Variants in KCNQ1 observed in about 807,000 individuals in gnomAD.
The protein encoded by KCNQ1 is potassium voltage-gated channel subfamily Q member 1.
A neutral mutation model predicts 72.4 loss-of-function variants in KCNQ1; 49 were observed. The ratio of observed to expected loss-of-function variants is 0.68; its 90% CI spans 0.54 to 0.86. The LOEUF is 0.86. Ranked by LOEUF, KCNQ1 falls within the 40% of genes least tolerant of loss-of-function variation. KCNQ1 has a pLI of 0.00. For missense variants in KCNQ1, 790 were observed against 945.1 expected, an observed-to-expected ratio of 0.84 and a Z score of 2.15; for synonymous variants, 450 against 412.6, an observed-to-expected ratio of 1.09 and a Z score of -1.10.
intron 15 of KCNQ1, among the ~76,000 whole-genome samples, chr11:2,801,237 CTG>C (rs780970096): frequency 2.0e-5 from 3 of 152,182 alleles, no homozygotes; most frequent in African/African-American, 4.8e-5. Flanking sequence ...GTGGAGCTGT[CTG>C]TAGGTGGACT....
chr11:2,847,845 C>A lies in KCNQ1; in HGVS notation c.1873C>A (p.Pro625Thr). 1 of 1,570,806 alleles carries A rather than the reference C, an allele frequency of 6.4e-7. No homozygotes were observed. Among genetic ancestry groups the A allele is most frequent in the Non-Finnish European group, 8.6e-7 (1 of 1,157,638 alleles). The change falls in exon 16 of 16, where the codon CCC becomes ACC. Residue 625 changes from proline (P) to threonine (T), a missense_variant. This residue lies in a region of KCNQ1 where 94 missense variants were observed against 85.2 expected (regional missense o/e 1.10). Transcript: ENST00000155840. ...QLLSLHGGST[P>T]GSGGPPREGG... ...GCTCTCCTTGCACGGTGGCAGCACC[C>A]CCGGCAGCGGCGGCCCCCCCAGAGA...
rs950066428 is a variant in KCNQ1 at position 2,666,265 on chromosome 11, G to A, written c.1514+4184G>A. ...GGCATGGGGGAGGACCAGGACCCCCGAGGCTGGGCAGAGGGGGTGGAAAGA... is the reference window on the plus strand; with the variant it reads ...GGCATGGGGGAGGACCAGGACCCCCAAGGCTGGGCAGAGGGGGTGGAAAGA... On this transcript the variant is annotated intron_variant, in intron 11 of 15. Coordinates refer to ENST00000155840, the MANE Select transcript of KCNQ1 (RefSeq NM_000218.3). The A allele has an allele frequency of 2.6e-4, 105 of 398,676 alleles. No individual in the cohort carries two copies. The highest frequency in any genetic ancestry group is 4.8e-4 in the Admixed American group (11 of 22,736). 24.7% of individuals were successfully genotyped at this position (398,676 alleles called of 1,614,324 possible).
intron 11 of KCNQ1, among the ~76,000 whole-genome samples, chr11:2,758,844 C>T (rs1846343338): frequency 6.6e-6 from 1 of 152,180 alleles, no homozygotes; most frequent in South Asian, 2.1e-4. Flanking sequence ...TCTCAAAGTC[C>T]AGGCTGTAGG....
intron 1 of KCNQ1, among the ~76,000 whole-genome samples, chr11:2,505,750 G>A (rs56103600): frequency 0.041 from 6,306 of 152,152 alleles, 450 homozygotes; most frequent in African/African-American, 0.14. Flanking sequence ...ACCTTTCTAG[G>A]TTTATTATAA....
intron 2 of KCNQ1, among the ~76,000 whole-genome samples, chr11:2,529,814 C>G (rs1373591171): frequency 6.6e-6 from 1 of 152,144 alleles, no homozygotes; most frequent in Non-Finnish European, 1.5e-5. Context: ...GCGGGGCCCT[C>G]CTGGCTTCTG....
In KCNQ1 at chr11:2,478,144, C is replaced by T. The variant is rs770323700; in HGVS notation, c.386+32660C>T. Among the ~76,000 whole-genome samples, 1 of 152,154 alleles carries T rather than the reference C, an allele frequency of 6.6e-6. No individual in the cohort carries two copies. Among genetic ancestry groups the T allele is most frequent in the Non-Finnish European group, 1.5e-5 (1 of 68,026 alleles). Reference sequence around the variant, plus strand: ...GAACTCCTGCCAAAGACACAGCTGTCCAGGGTCGAATCATCCGGAGACACA... The same window carrying T: ...GAACTCCTGCCAAAGACACAGCTGTTCAGGGTCGAATCATCCGGAGACACA... On this transcript the variant is annotated intron_variant, in intron 1 of 15. Coordinates refer to ENST00000155840, the MANE Select transcript of KCNQ1 (RefSeq NM_000218.3). This position sits in a 1 kb window ranked among gnomAD's most constrained non-coding sequence, Gnocchi z 4.0.
In KCNQ1 at chr11:2,665,087, A is replaced by G. The variant is rs568687611; in HGVS notation, c.1514+3006A>G. ...TGACAAGCTGAGGCACGGGGTACCC[A>G]GGAGATAAAGAGTGGCGTCGCTGCA... On this transcript the variant is annotated intron_variant, in intron 11 of 15. Transcript: ENST00000155840. The G allele has an allele frequency of 2.4e-4, 95 of 398,532 alleles. 1 individual carries two copies. The South Asian group carries it at 0.011, about 48-fold the overall frequency. 24.7% of individuals were successfully genotyped at this position (398,532 alleles called of 1,614,324 possible).
At chr11:2,485,084 C>T (rs762154911) in intron 1 of KCNQ1, among the ~76,000 whole-genome samples, 1 of 152,212 alleles carries the variant, frequency 6.6e-6, no homozygotes, top group Non-Finnish European at 1.5e-5. Context: ...CACTGCGTCC[C>T]ATCAGTGCTT....
intron 15 of KCNQ1, among the ~76,000 whole-genome samples, chr11:2,840,701 AAT>A (rs1194611891): frequency 2.0e-5 from 3 of 152,338 alleles, no homozygotes; most frequent in Admixed American, 6.5e-5. Flanking sequence ...ACACGAGACA[AAT>A]AGCACACTAG....
chr11:2,666,408 G>T, intron 11 of KCNQ1: 1 of 398,668 alleles, frequency 2.5e-6, no homozygotes, highest in Non-Finnish European at 4.4e-6. Context: ...AGCAAAAACA[G>T]CCCCGTGTGC....
chr11:2,676,468 C>T lies in KCNQ1; in HGVS notation c.1514+14387C>T. ...CTCACTGTTCTGCTCAGATTGTTAG[C>T]TGTAGTCTTTCTGGCATCAGTTCCA... On this transcript the variant is annotated intron_variant, in intron 11 of 15. Transcript: ENST00000155840. The surrounding 1 kb of genome is among the most constrained non-coding windows in gnomAD (Gnocchi z 4.2). The T allele has an allele frequency of 2.5e-6, 1 of 398,676 alleles. No individual in the cohort carries two copies. The highest frequency in any genetic ancestry group is 4.4e-6 in the Non-Finnish European group (1 of 226,108). The allele number at this position is 398,676 out of a possible 1,614,324, so 24.7% of individuals were successfully genotyped here. A position where few individuals can be genotyped will look rare whatever the true frequency, so the allele number is the denominator to read the frequency against.
In KCNQ1 at chr11:2,720,151, C is replaced by T. The variant is rs1469141790; in HGVS notation, c.1515-48693C>T. Among the ~76,000 whole-genome samples, 6 of 152,208 alleles carry T rather than the reference C, an allele frequency of 3.9e-5. No homozygotes were observed. Among genetic ancestry groups the T allele is most frequent in the South Asian group, 2.1e-4 (1 of 4,832 alleles). On this transcript the variant is annotated intron_variant, in intron 11 of 15. Transcript: ENST00000155840. The surrounding 1 kb of genome is among the most constrained non-coding windows in gnomAD (Gnocchi z 5.1). ...AACCCACTGGAGGGTTGCAAGGAGA[C>T]GCTTCTAGTATGTTAGACAGCACAG... is the stretch of plus-strand genomic sequence containing the variant.
In KCNQ1 at chr11:2,485,102, C is replaced by T. The variant is rs139322289; in HGVS notation, c.386+39618C>T. 4.5e-3 allele frequency among the ~76,000 whole-genome samples: 688 copies of T among 152,300 alleles called. 5 individuals carry two copies. Among genetic ancestry groups the T allele is most frequent in the Middle Eastern group, 0.031 (9 of 294 alleles). ...TGCGTCCCATCAGTGCTTTTCCCCACGGTGACTTTGAGTATTTCTTTACTT... is the reference window on the plus strand; with the variant it reads ...TGCGTCCCATCAGTGCTTTTCCCCATGGTGACTTTGAGTATTTCTTTACTT... On this transcript the variant is annotated intron_variant, in intron 1 of 15. Transcript: ENST00000155840.
intron 1 of KCNQ1, among the ~76,000 whole-genome samples, chr11:2,456,737 T>G (rs190857857): frequency 1.6e-5 from 2 of 126,564 alleles, no homozygotes; most frequent in Non-Finnish European, 3.2e-5. Flanking sequence ...CTGGCTAACA[T>G]GGTGAAACCC....
chr11:2,790,060 C>G (rs1231363690), intron 15 of KCNQ1, among the ~76,000 whole-genome samples: 1 of 152,158 alleles, frequency 6.6e-6, no homozygotes, highest in Non-Finnish European at 1.5e-5. Context: ...GGATCATATC[C>G]CTTTGACCAC....
At chr11:2,521,582 G>C (rs1268972434) in intron 1 of KCNQ1, 1 of 468,040 alleles carries the variant, frequency 2.1e-6, no homozygotes. Context: ...TGAGTTCCAT[G>C]GTGCAGTGGC....
intron 10 of KCNQ1, chr11:2,656,347 A>G: frequency 2.5e-6 from 1 of 398,606 alleles, no homozygotes; most frequent in African/African-American, 2.1e-5. Context: ...AAATCTGCAC[A>G]TTCTTCAAGC....
intron 11 of KCNQ1, among the ~76,000 whole-genome samples, chr11:2,729,091 G>T (rs1044676683): frequency 1.4e-4 from 22 of 152,238 alleles, no homozygotes; most frequent in Non-Finnish European, 2.2e-4. Flanking sequence ...CCCCAGGCGG[G>T]CACAAAGGGC....
At chr11:2,840,479 A>G (rs1848184323) in intron 15 of KCNQ1, 1 of 152,000 alleles carries the variant, frequency 6.6e-6, no homozygotes, top group South Asian at 2.1e-4. Flanking sequence ...AATCAATCCC[A>G]GGCGATTCAA....
Sources: gnomAD v4.1 joint callset for allele counts (sites outside exome capture counted in the v4.1 genomes callset) on GRCh38, gnomAD v4.1.1 for gene constraint, gnomAD v4.1.1 regional missense constraint, Gnocchi (gnomAD v3.1) non-coding constraint, MANE v1.5 for transcripts, NCBI Gene and HGNC (gene_info 2026-07-23, HGNC 2026-07-21) for gene names.